Variants in OSBPL1A observed in about 807,000 individuals in gnomAD.
The protein encoded by OSBPL1A is oxysterol binding protein like 1A.
A neutral mutation model predicts 137.1 loss-of-function variants in OSBPL1A; 80 were observed. The observed-to-expected ratio is 0.58, with a 90% CI of 0.49 to 0.70. The LOEUF is 0.70. OSBPL1A is among the 30% of genes least tolerant of loss of function. OSBPL1A has a pLI of 0.00. For missense variants in OSBPL1A, 970 were observed against 1,129.4 expected, an observed-to-expected ratio of 0.86 and a Z score of 2.02; for synonymous variants, 365 against 389.7, an observed-to-expected ratio of 0.94 and a Z score of 0.75.
chr18:24,163,273 T>C lies in OSBPL1A; in HGVS notation c.2759A>G (p.His920Arg), dbSNP rs770561744. Reference sequence around the variant, plus strand: ...TCCATTGTAGGGATTAGGACCTTGATGGAACCACCTGTTAAAAGAAAAAGG... The same window carrying C: ...TCCATTGTAGGGATTAGGACCTTGACGGAACCACCTGTTAAAAGAAAAAGG... ...SEEDWKTRWF[H>R]QGPNPYNGAQ... The change falls in exon 28 of 28, where the codon CAT becomes CGT. Residue 920 changes from histidine (H) to arginine (R), a missense_variant. His to Arg is a conservative substitution (Grantham distance 29, BLOSUM62 0). Coordinates refer to ENST00000319481, the MANE Select transcript of OSBPL1A (RefSeq NM_080597.4). 9.4e-6 allele frequency: 15 copies of C among 1,603,970 alleles called. No individual in the cohort carries two copies. Among genetic ancestry groups the C allele is most frequent in the Middle Eastern group, 1.7e-4 (1 of 6,050 alleles).
intron 4 of OSBPL1A, among the ~76,000 whole-genome samples, chr18:24,344,184 C>T (rs1315074132): frequency 6.6e-6 from 1 of 152,000 alleles, no homozygotes; most frequent in Admixed American, 6.6e-5. Flanking sequence ...GTCAATAAGC[C>T]CACGAAGGTA....
chr18:24,209,078 A>C (rs1426934166), intron 17 of OSBPL1A, among the ~76,000 whole-genome samples: 1 of 152,238 alleles, frequency 6.6e-6, no homozygotes, highest in Non-Finnish European at 1.5e-5. Context: ...CTTCATTAAA[A>C]TTAAAGACTC....
At chr18:24,192,716 A>C (rs913989704) in intron 18 of OSBPL1A, among the ~76,000 whole-genome samples, 4 of 152,208 alleles carry the variant, frequency 2.6e-5, no homozygotes, top group African/African-American at 9.7e-5. Context: ...CAAGATGACA[A>C]ATGCATGGAG....
chr18:24,193,740 G>A (rs371692520), intron 18 of OSBPL1A, among the ~76,000 whole-genome samples: 6 of 152,218 alleles, frequency 3.9e-5, no homozygotes, highest in South Asian at 2.1e-4. Flanking sequence ...CCAAAAACAC[G>A]ACTTCCCCTG....
intron 15 of OSBPL1A, among the ~76,000 whole-genome samples, chr18:24,256,963 G>A (rs1226161504): frequency 6.9e-4 from 7 of 10,128 alleles, no homozygotes; most frequent in Non-Finnish European, 1.2e-3. Context: ...TGAAGAGGAT[G>A]CAAAAAAAAA....
At chr18:24,227,406 G>A (rs1030261540) in intron 16 of OSBPL1A, among the ~76,000 whole-genome samples, 3 of 152,098 alleles carry the variant, frequency 2.0e-5, no homozygotes, top group African/African-American at 4.8e-5. Flanking sequence ...CATACATAAT[G>A]CTAAGACAAA....
rs1233980655 is a variant in OSBPL1A at position 24,187,214 on chromosome 18, T to A, written c.1678-5935A>T. On this transcript the variant is annotated intron_variant, in intron 18 of 27. Transcript: ENST00000319481. ...AAAGGGCTCTGAACAGAGAGTAGAA[T>A]GGTGGTTGCCGGGCTGATGAAGGGG... Among the ~76,000 whole-genome samples the A allele has an allele frequency of 2.0e-5, 3 of 151,886 alleles. No homozygotes were observed. In the East Asian group the frequency reaches 5.8e-4, roughly 29 times the overall value.
At chr18:24,186,719 C>T (rs1365371600) in intron 18 of OSBPL1A, among the ~76,000 whole-genome samples, 3 of 151,930 alleles carry the variant, frequency 2.0e-5, no homozygotes, top group Non-Finnish European at 2.9e-5. Context: ...GCCTGGCCAA[C>T]ATGGTGAAAC....
At chr18:24,170,509 G>A (rs901269568) in intron 23 of OSBPL1A, 56 bp from the exon 24 acceptor site, 19 of 1,604,840 alleles carry the variant, frequency 1.2e-5, no homozygotes, top group African/African-American at 1.1e-4. Flanking sequence ...TTTTAAAGCC[G>A]ACAGCACCTG....
chr18:24,256,432 C>T (rs2089277131), intron 15 of OSBPL1A, among the ~76,000 whole-genome samples: 1 of 151,968 alleles, frequency 6.6e-6, no homozygotes, highest in African/African-American at 2.4e-5. Context: ...CCCTTTATGA[C>T]AAAAACCCTC....
chr18:24,268,207 C>T (rs2089630150), intron 15 of OSBPL1A, among the ~76,000 whole-genome samples: 1 of 152,062 alleles, frequency 6.6e-6, no homozygotes, highest in Non-Finnish European at 1.5e-5. Context: ...CCTCCCCTTC[C>T]CAGGCCCAAG....
In OSBPL1A at chr18:24,312,054, G is replaced by GCACTC; in HGVS notation, c.1021_1022insGAGTG (p.Ser341Ter). ...CTCCTCATCAGTCAGCTGGTCCTGG[G>GCACTC]AACAGTAGTGAGTGCTGTAAGCAGA... On this transcript the variant is annotated stop_gained and frameshift_variant, in exon 13 of 28. Coordinates refer to ENST00000319481, the MANE Select transcript of OSBPL1A (RefSeq NM_080597.4). LOFTEE classifies it high-confidence loss of function. The GCACTC allele has an allele frequency of 1.9e-6, 3 of 1,614,058 alleles. No homozygotes were observed. The South Asian group carries it at 3.3e-5, about 18-fold the overall frequency.
chr18:24,198,850 G>GTT lies in OSBPL1A; in HGVS notation c.1602-2652_1602-2651dup, dbSNP rs139052530. On this transcript the variant is annotated intron_variant, in intron 17 of 27. Coordinates refer to ENST00000319481, the MANE Select transcript of OSBPL1A (RefSeq NM_080597.4). ...GCTCAGGTGTCACTGTTGTTTTGGT[G>GTT]TTTTTTTTTGTTGTTTTTTTTTTTT... 1.0e-4 allele frequency among the ~76,000 whole-genome samples: 15 copies of GTT among 144,674 alleles called. No homozygotes were observed. The East Asian group carries it at 2.4e-3, about 23-fold the overall frequency. The allele number at this position is 144,674 out of a possible 152,430, so 94.9% of individuals were successfully genotyped here.
chr18:24,290,038 G>A (rs557487020), intron 14 of OSBPL1A, among the ~76,000 whole-genome samples: 75 of 151,894 alleles, frequency 4.9e-4, no homozygotes, highest in African/African-American at 1.6e-3. Flanking sequence ...CTATCTATAC[G>A]TCAAATACAC....
intron 16 of OSBPL1A, among the ~76,000 whole-genome samples, chr18:24,235,905 C>T (rs908128829): frequency 2.0e-5 from 3 of 152,086 alleles, no homozygotes; most frequent in Admixed American, 6.6e-5. Flanking sequence ...CTGAGTAGGT[C>T]CAACGTAATG....
At chr18:24,397,001 A>G (rs1907790861) in intron 1 of OSBPL1A, among the ~76,000 whole-genome samples, 1 of 152,202 alleles carries the variant, frequency 6.6e-6, no homozygotes, top group East Asian at 1.9e-4. Flanking sequence ...AGAATATCAC[A>G]CTGCCCACAG....
intron 16 of OSBPL1A, among the ~76,000 whole-genome samples, chr18:24,226,887 A>ATTTTT (rs5823416): frequency 0.03 from 3,037 of 100,784 alleles, 98 homozygotes; most frequent in South Asian, 0.049. Context: ...AAAGAAACAG[A>ATTTTT]TTTTTTTTTT....
chr18:24,176,005 G>A (rs2145917368), intron 21 of OSBPL1A, among the ~76,000 whole-genome samples: 1 of 152,300 alleles, frequency 6.6e-6, no homozygotes, highest in East Asian at 1.9e-4. Flanking sequence ...TCTATACTTT[G>A]TCTATAGTTT....
At chr18:24,363,479 C>T (rs2091657180) in intron 4 of OSBPL1A, among the ~76,000 whole-genome samples, 2 of 141,144 alleles carry the variant, frequency 1.4e-5, no homozygotes, top group Non-Finnish European at 1.5e-5. Flanking sequence ...TAGAATCTCG[C>T]TGTGTTGTCC....
Sources: gnomAD v4.1 joint callset for allele counts (sites outside exome capture counted in the v4.1 genomes callset) on GRCh38, gnomAD v4.1.1 for gene constraint, MANE v1.5 for transcripts, NCBI Gene and HGNC (gene_info 2026-07-23, HGNC 2026-07-21) for gene names.